Variants in VWA5B2 observed in about 807,000 individuals in gnomAD.
The protein encoded by VWA5B2 is von Willebrand factor A domain-containing protein 5B2.
VWA5B2 carries 93 observed loss-of-function variants against 118.5 expected under a neutral mutation model. The observed-to-expected ratio is 0.79, with a 90% confidence interval of 0.66 to 0.93. VWA5B2 has a LOEUF of 0.93. VWA5B2 is among the 40% of genes least tolerant of loss of function. VWA5B2 has a pLI of 0.00. For missense variants in VWA5B2, 1,546 were observed against 1,672.8 expected (o/e 0.92, Z 1.32); for synonymous variants, 708 against 716.3 (o/e 0.99, Z 0.19).
chr3:184,236,754 G>A lies in VWA5B2; in HGVS notation c.1533+5G>A, dbSNP rs1718045825. Reference sequence around the variant, plus strand: ...GGGCAGAGGCTGCAGCCCATGGTGAGCTTGAGCCTGGGCCCTGTTCCCTAC... The same window carrying A: ...GGGCAGAGGCTGCAGCCCATGGTGAACTTGAGCCTGGGCCCTGTTCCCTAC... On this transcript the variant is annotated splice_donor_5th_base_variant and intron_variant, in intron 11 of 19. Coordinates refer to ENST00000691901, the MANE Select transcript of VWA5B2 (RefSeq NM_001390846.1). The A allele has an allele frequency of 6.6e-7, 1 of 1,514,690 alleles. No homozygotes were observed. Among genetic ancestry groups the A allele is most frequent in the African/African-American group, 1.4e-5 (1 of 71,474 alleles). The allele number at this position is 1,514,690 out of a possible 1,614,324, so 93.8% of individuals were successfully genotyped here.
At position 184,235,052 on chromosome 3, in the gene VWA5B2, G is replaced by A. The variant is rs1717823867; in HGVS notation, c.946-101G>A. The A allele has an allele frequency of 3.6e-6, 5 of 1,391,106 alleles. No individual in the cohort carries two copies. In the South Asian group the frequency reaches 5.6e-5, roughly 16 times the overall value. The allele number at this position is 1,391,106 out of a possible 1,614,324, so 86.2% of individuals were successfully genotyped here. On this transcript the variant is annotated intron_variant, in intron 7 of 19. Coordinates refer to ENST00000691901, the MANE Select transcript of VWA5B2 (RefSeq NM_001390846.1). Reference sequence around the variant, plus strand: ...TACTACAAAAAGATGTCCCCTCTGGGTGGATCAGACAGAAAAAGGCCCCAG... The same window carrying A: ...TACTACAAAAAGATGTCCCCTCTGGATGGATCAGACAGAAAAAGGCCCCAG...
intron 3 of VWA5B2, among the ~76,000 whole-genome samples, chr3:184,231,235 C>T (rs1191001330): frequency 6.6e-6 from 1 of 152,136 alleles, no homozygotes; most frequent in Non-Finnish European, 1.5e-5. Context: ...CCTGGTGGTC[C>T]CCTCCGGCCC....
chr3:184,240,328 G>C (rs373100863), intron 16 of VWA5B2: 2 of 396,966 alleles, frequency 5.0e-6, no homozygotes, highest in African/African-American at 4.0e-5. Flanking sequence ...ACGTGATCCT[G>C]TCATGATTCA....
At position 184,238,759 on chromosome 3, in the gene VWA5B2, A is replaced by G; in HGVS notation, c.2088A>G (p.Glu696=). The change falls in exon 14 of 20, where the codon GAA becomes GAG. Residue 696 remains glutamate, a synonymous_variant. Coordinates refer to ENST00000691901, the MANE Select transcript of VWA5B2 (RefSeq NM_001390846.1). The surrounding 1 kb of genome is among the most constrained non-coding windows in gnomAD (Gnocchi z 5.0). ...GCTCACAGGGCCCTGGCTCCCCCGA[A>G]GGTAGTGCTCCCTTGGAGCCCCCTT... is the stretch of plus-strand genomic sequence containing the variant. ...SPGSQGPGSP[E]GSAPLEPPSQ... 6.4e-7 allele frequency: 1 copy of G among 1,550,744 alleles called. No homozygotes were observed. Among genetic ancestry groups the G allele is most frequent in the African/African-American group, 1.4e-5 (1 of 73,190 alleles).
chr3:184,240,664 A>T (rs1463545165), intron 16 of VWA5B2, 127 bp from the exon 17 acceptor site: 3 of 1,336,114 alleles, frequency 2.2e-6, no homozygotes, highest in Non-Finnish European at 3.0e-6. Flanking sequence ...TTCTGGGCCT[A>T]GCAAGGCAAT....
In VWA5B2 at chr3:184,239,285, A is replaced by G; in HGVS notation, c.2203-109A>G. ...CTTGGCCTTCCTCCTCAAGCTGGTG[A>G]GCGGCCACCCAGGGTTTCAGAAAAG... On this transcript the variant is annotated intron_variant, in intron 14 of 19. Transcript: ENST00000691901. This position sits in a 1 kb window ranked among gnomAD's most constrained non-coding sequence, Gnocchi z 5.1. The G allele has an allele frequency of 8.0e-7, 1 of 1,254,458 alleles. No homozygotes were observed. Among genetic ancestry groups the G allele is most frequent in the Non-Finnish European group, 1.1e-6 (1 of 950,040 alleles). 77.7% of individuals were successfully genotyped at this position (1,254,458 alleles called of 1,614,324 possible).
At chr3:184,235,043 C>A in intron 7 of VWA5B2, 110 bp from the exon 8 acceptor site, 1 of 1,321,542 alleles carries the variant, frequency 7.6e-7, no homozygotes, top group East Asian at 2.5e-5. Flanking sequence ...AAAAAGATGT[C>A]CCCTCTGGGT....
In VWA5B2 at chr3:184,238,488, T is replaced by C. The variant is rs907463727; in HGVS notation, c.1891+14T>C. On this transcript the variant is annotated intron_variant, in intron 13 of 19. Coordinates refer to ENST00000691901, the MANE Select transcript of VWA5B2 (RefSeq NM_001390846.1). This position sits in a 1 kb window ranked among gnomAD's most constrained non-coding sequence, Gnocchi z 5.0. ...ACTCGGAGCAGAGTGAGTGCCCAGG[T>C]GTATGTGTGTGGCTGTATTGGAGTG... 1 of 1,539,884 alleles carries C rather than the reference T, an allele frequency of 6.5e-7. No individual in the cohort carries two copies. The highest frequency in any genetic ancestry group is 1.2e-5 in the South Asian group (1 of 83,362).
rs762172047 is a variant in VWA5B2, at chr3:184,242,033, G to C, written c.3724G>C (p.Val1242Leu). The C allele has an allele frequency of 1.3e-6, 2 of 1,549,118 alleles. No homozygotes were observed. The highest frequency in any genetic ancestry group is 2.0e-5 in the Admixed American group (1 of 50,974). ...LHLLCYSPAN[V>L] ...CCTGCTGTGCTACAGCCCAGCGAAC[G>C]TGTGAAGGCTGCCCCCTGCTGCTTG... The change falls in exon 20 of 20, where the codon GTG becomes CTG. Residue 1242 changes from valine (V) to leucine (L), a missense_variant. Val to Leu is a conservative substitution (Grantham distance 32, BLOSUM62 1). Coordinates refer to ENST00000691901, the MANE Select transcript of VWA5B2 (RefSeq NM_001390846.1).
intron 8 of VWA5B2, 82 bp downstream of exon 8, chr3:184,235,390 G>A (rs1717870083): frequency 6.9e-7 from 1 of 1,445,996 alleles, no homozygotes; most frequent in Non-Finnish European, 9.3e-7. Context: ...GCCTCTTGAA[G>A]CCAGGAGTTA....
rs951825994 is a variant in VWA5B2 at position 184,239,030 on chromosome 3, C to T, written c.2202+157C>T. Among the ~76,000 whole-genome samples, 8 of 152,184 alleles carry T rather than the reference C, an allele frequency of 5.3e-5. No individual in the cohort carries two copies. Among genetic ancestry groups the T allele is most frequent in the Non-Finnish European group, 1.2e-4 (8 of 68,046 alleles). ...ACCATGTAACAACCAGTGATGAGCA[C>T]AAGGACATGTATTAAGGGGGCTTAA... On this transcript the variant is annotated intron_variant, in intron 14 of 19. Coordinates refer to ENST00000691901, the MANE Select transcript of VWA5B2 (RefSeq NM_001390846.1). The surrounding 1 kb of genome is among the most constrained non-coding windows in gnomAD (Gnocchi z 5.1).
rs1717164138 is a variant in VWA5B2 at position 184,229,596 on chromosome 3, A to T, written c.-267A>T. 6.6e-6 allele frequency among the ~76,000 whole-genome samples: 1 copy of T among 152,160 alleles called. No individual in the cohort carries two copies. The highest frequency in any genetic ancestry group is 2.4e-5 in the African/African-American group (1 of 41,450). On this transcript the variant is annotated 5_prime_UTR_variant, in exon 1 of 20. Coordinates refer to ENST00000691901, the MANE Select transcript of VWA5B2 (RefSeq NM_001390846.1). ...CCCTGCCGGGACTCAGAGCCGCTGCAGCCACAGTCACGAACTGGCGGCCGG... is the reference window on the plus strand; with the variant it reads ...CCCTGCCGGGACTCAGAGCCGCTGCTGCCACAGTCACGAACTGGCGGCCGG...
Position 184,235,316 on chromosome 3 carries a change from G to A in VWA5B2, c.1101+8G>A, listed in dbSNP as rs1199711964. 5 of 1,551,030 alleles carry A rather than the reference G, an allele frequency of 3.2e-6. No individual in the cohort carries two copies. Among genetic ancestry groups the A allele is most frequent in the Non-Finnish European group, 4.4e-6 (5 of 1,146,768 alleles). Reference sequence around the variant, plus strand: ...AGCAGCGTGGCACACAAGGCCCGTGGGGGTGTGGTGTGGGCAGGCCTGGGG... The same window carrying A: ...AGCAGCGTGGCACACAAGGCCCGTGAGGGTGTGGTGTGGGCAGGCCTGGGG... On this transcript the variant is annotated splice_region_variant and intron_variant, in intron 8 of 19. Coordinates refer to ENST00000691901, the MANE Select transcript of VWA5B2 (RefSeq NM_001390846.1).
At chr3:184,240,088 C>T (rs1273357550) in intron 16 of VWA5B2, 52 bp downstream of exon 16, 54 of 1,389,162 alleles carry the variant, frequency 3.9e-5, no homozygotes, top group Non-Finnish European at 1.2e-5. Context: ...CTAAAAACAG[C>T]AAAGGTAGAG....
intron 7 of VWA5B2, 149 bp downstream of exon 7, chr3:184,234,904 C>A: frequency 7.8e-7 from 1 of 1,280,474 alleles, no homozygotes; most frequent in Non-Finnish European, 1.1e-6. Flanking sequence ...TCACAGAGGA[C>A]AGATGAGTAT....
At position 184,230,876 on chromosome 3, in the gene VWA5B2, G is replaced by T; in HGVS notation, c.269G>T (p.Gly90Val). The T allele has an allele frequency of 8.1e-7, 1 of 1,234,952 alleles. No homozygotes were observed. 76.5% of individuals were successfully genotyped at this position (1,234,952 alleles called of 1,614,324 possible). A position where few individuals can be genotyped will look rare whatever the true frequency, so the allele number is the denominator to read the frequency against. Residue 90 changes from glycine (G) to valine (V), a missense_variant, in exon 3 of 20, where the codon GGC (glycine) becomes GTC (valine). By Grantham distance (109) the Gly-to-Val change is moderately radical (BLOSUM62 -3). Coordinates refer to ENST00000691901, the MANE Select transcript of VWA5B2 (RefSeq NM_001390846.1). ...CAGGCCGCCTGCTGCCGCGCTCTGG[G>T]CCCGGGGCTGGGGACCCCGACGCCC... is the stretch of plus-strand genomic sequence containing the variant. The part of the protein sequence containing the change: ...RSQAACCRAL[G>V]PGLGTPTPRR...
At position 184,230,447 on chromosome 3, in the gene VWA5B2, C is replaced by A. The variant is rs1717262972; in HGVS notation, c.-82C>A. 6.6e-6 allele frequency: 9 copies of A among 1,357,014 alleles called. No homozygotes were observed. The South Asian group carries it at 9.9e-5, about 15-fold the overall frequency. 84.1% of individuals were successfully genotyped at this position (1,357,014 alleles called of 1,614,324 possible). On this transcript the variant is annotated 5_prime_UTR_variant, in exon 2 of 20. Transcript: ENST00000691901. ...TGCTGGAGTGAGACTCTCGCGCTGG[C>A]CTCTGGAGCGCGGGGTGGGCGTCCC...
rs1054471149 is a variant in VWA5B2, at chr3:184,239,820, G to C, written c.2524G>C (p.Val842Leu). 9 of 1,550,950 alleles carry C rather than the reference G, an allele frequency of 5.8e-6. No individual in the cohort carries two copies. In the African/African-American group the frequency reaches 1.1e-4, roughly 19 times the overall value. The change falls in exon 16 of 20, where the codon GTG becomes CTG. Residue 842 changes from valine to leucine, a missense_variant. By Grantham distance (32) the Val-to-Leu change is conservative. This residue lies in a region of VWA5B2 where 763 missense variants were observed against 766.6 expected (regional missense o/e 1.00). Coordinates refer to ENST00000691901, the MANE Select transcript of VWA5B2 (RefSeq NM_001390846.1). This position sits in a 1 kb window ranked among gnomAD's most constrained non-coding sequence, Gnocchi z 5.1. ...TCCCCAGGCTCCACGCTGCCATGTG[G>C]TGATCCGGGGCCTGTGTGGGGAGCA... The part of the protein sequence containing the change: ...VPPQAPRCHV[V>L]IRGLCGEQPM...
At position 184,241,320 on chromosome 3, in the gene VWA5B2, C is replaced by A; in HGVS notation, c.3096C>A (p.Ser1032Arg). ...RPPPRPPCRL[S>R]MGRRHKLCSP... ...CTCCCCGTCCTCCCTGTCGGCTCAG[C>A]ATGGGCCGCCGTCACAAACTCTGTA... The change falls in exon 19 of 20, where the codon AGC becomes AGA. Residue 1032 changes from serine to arginine, a missense_variant. Coordinates refer to ENST00000691901, the MANE Select transcript of VWA5B2 (RefSeq NM_001390846.1). The surrounding 1 kb of genome is among the most constrained non-coding windows in gnomAD (Gnocchi z 5.1). 6.4e-7 allele frequency: 1 copy of A among 1,551,338 alleles called. No individual in the cohort carries two copies. Among genetic ancestry groups the A allele is most frequent in the Non-Finnish European group, 8.7e-7 (1 of 1,147,002 alleles).
Sources: allele counts gnomAD v4.1 joint callset (sites outside exome capture counted in the v4.1 genomes callset), GRCh38; gene constraint gnomAD v4.1.1; regional missense constraint gnomAD v4.1.1; non-coding constraint Gnocchi (gnomAD v3.1); transcripts MANE v1.5; gene names NCBI Gene and HGNC (gene_info 2026-07-23, HGNC 2026-07-21).